Variants in PACRG observed in about 807,000 individuals in gnomAD.
The protein encoded by PACRG is parkin coregulated, also known as parkin coregulated gene protein.
In PACRG, 29 loss-of-function variants were observed where a neutral mutation model predicts 29.7. The observed-to-expected ratio is 0.98, with a 90% CI of 0.73 to 1.33. PACRG has a LOEUF of 1.33. PACRG is among the 40% of genes most tolerant of loss of function. The probability of loss-of-function intolerance (pLI) is 0.00; values close to 1 mark genes in which losing one functional copy is unlikely to be tolerated. For synonymous variants in PACRG, 116 were observed against 118.7 expected (o/e 0.98, Z 0.15); for missense variants, 279 against 316.2 (o/e 0.88, Z 0.89).
At chr6:162,849,849 T>G (rs1039317825) in intron 2 of PACRG, among the ~76,000 whole-genome samples, 1 of 152,226 alleles carries the variant, frequency 6.6e-6, no homozygotes, top group African/African-American at 2.4e-5. Flanking sequence ...CTAATCAATA[T>G]TCTCACATTT....
At chr6:162,855,596 CA>C (rs1452035440) in intron 2 of PACRG, among the ~76,000 whole-genome samples, 1 of 152,034 alleles carries the variant, frequency 6.6e-6, no homozygotes, top group African/African-American at 2.4e-5. Flanking sequence ...TGGTACGAGA[CA>C]ACAGAGAGAT....
In PACRG at chr6:162,853,725, A is replaced by G. The variant is rs13216389; in HGVS notation, c.291+39444A>G. On this transcript the variant is annotated intron_variant, in intron 2 of 4. Transcript: ENST00000366888. The surrounding 1 kb of genome is among the most constrained non-coding windows in gnomAD (Gnocchi z 4.7). ...CCCATGATGCGTGTTTGTCTATGTAACAAACCTTCACATGTACCCCTAAAC... is the reference window on the plus strand; with the variant it reads ...CCCATGATGCGTGTTTGTCTATGTAGCAAACCTTCACATGTACCCCTAAAC... 0.074 allele frequency among the ~76,000 whole-genome samples: 11,304 copies of G among 152,284 alleles called. 712 individuals are homozygous for G. The highest frequency in any genetic ancestry group is 0.23 in the South Asian group (1,127 of 4,826).
chr6:163,101,152 GC>G (rs1330202934), intron 4 of PACRG: 2 of 983,750 alleles, frequency 2.0e-6, no homozygotes, highest in East Asian at 1.1e-4. Flanking sequence ...CTCTGCCTCT[GC>G]CCCCGCCCCC....
Position 163,315,166 on chromosome 6 carries a change from A to C in PACRG, c.*179A>C. 3.1e-6 allele frequency: 2 copies of C among 642,590 alleles called. No individual in the cohort carries two copies. Among genetic ancestry groups the C allele is most frequent in the Non-Finnish European group, 2.6e-6 (1 of 385,048 alleles). 39.8% of individuals were successfully genotyped at this position (642,590 alleles called of 1,614,324 possible). ...GAGAGCAAGGCTTTCCAATACATAA[A>C]TAGTGTCTGTTTCTTAGATTACAAT... On this transcript the variant is annotated 3_prime_UTR_variant, in exon 5 of 5. Coordinates refer to ENST00000366888, the MANE Select transcript of PACRG (RefSeq NM_001080379.2).
At chr6:162,997,512 T>A in intron 2 of PACRG, 1 of 434,212 alleles carries the variant, frequency 2.3e-6, no homozygotes, top group Non-Finnish European at 4.6e-6. Flanking sequence ...AATAGCAGAA[T>A]AATGCTGGAA....
At chr6:162,916,429 T>G (rs1166933734) in intron 2 of PACRG, among the ~76,000 whole-genome samples, 1 of 152,198 alleles carries the variant, frequency 6.6e-6, no homozygotes, top group East Asian at 1.9e-4. Flanking sequence ...TCTACTAAAT[T>G]TGGAAAGTTT....
chr6:162,732,425 T>C (rs963781673), intron 1 of PACRG, among the ~76,000 whole-genome samples: 1 of 152,232 alleles, frequency 6.6e-6, no homozygotes, highest in African/African-American at 2.4e-5. Flanking sequence ...CCTAGTCTTA[T>C]GGCCACAGCT....
At chr6:163,003,106 G>C (rs1221197983) in intron 2 of PACRG, among the ~76,000 whole-genome samples, 1 of 152,164 alleles carries the variant, frequency 6.6e-6, no homozygotes, top group East Asian at 1.9e-4. Flanking sequence ...ACCAGCTGCT[G>C]CTAACTCCAA....
At chr6:163,210,150 C>T (rs771441100) in intron 4 of PACRG, among the ~76,000 whole-genome samples, 1 of 152,196 alleles carries the variant, frequency 6.6e-6, no homozygotes, top group Non-Finnish European at 1.5e-5. Flanking sequence ...ACAGAGCAGT[C>T]AGGTGAGTAC....
intron 2 of PACRG, among the ~76,000 whole-genome samples, chr6:162,826,467 T>TC (rs1426052295): frequency 8.3e-6 from 1 of 120,070 alleles, no homozygotes; most frequent in Non-Finnish European, 1.7e-5. Flanking sequence ...TTCTTTTTTC[T>TC]TTTTTTTTTT....
chr6:163,216,683 A>G (rs980240984), intron 4 of PACRG, among the ~76,000 whole-genome samples: 4 of 152,140 alleles, frequency 2.6e-5, no homozygotes, highest in Admixed American at 1.3e-4. Flanking sequence ...GTGCATACAT[A>G]TGCACATGTA....
intron 2 of PACRG, among the ~76,000 whole-genome samples, chr6:162,893,275 C>T (rs1194314962): frequency 1.3e-5 from 2 of 152,120 alleles, no homozygotes; most frequent in Non-Finnish European, 2.9e-5. Flanking sequence ...CTTAACTTAC[C>T]GAGAAATTTT....
chr6:162,900,895 T>G (rs918697125), intron 2 of PACRG, among the ~76,000 whole-genome samples: 6 of 152,336 alleles, frequency 3.9e-5, no homozygotes, highest in Admixed American at 6.5e-5. Flanking sequence ...AGACTTATCA[T>G]GAGCTGAAAG....
intron 3 of PACRG, among the ~76,000 whole-genome samples, chr6:163,083,961 C>A (rs1813309421): frequency 6.6e-6 from 1 of 151,858 alleles, no homozygotes; most frequent in Non-Finnish European, 1.5e-5. Flanking sequence ...ATACATGTAG[C>A]ATATAACCAT....
At chr6:162,769,621 G>A (rs1488552051) in intron 1 of PACRG, among the ~76,000 whole-genome samples, 1 of 151,942 alleles carries the variant, frequency 6.6e-6, no homozygotes, top group African/African-American at 2.4e-5. Flanking sequence ...GAATGTCTCT[G>A]TATAAACAAA....
rs540960208 is a variant in PACRG, at chr6:163,127,121, G to T, written c.613+37713G>T. The stretch of plus-strand genomic sequence containing the variant: ...GACTATGTAAATGAATGCCAACAGG[G>T]TCAATGAAGTGGCAAGTGCCATTTC... On this transcript the variant is annotated intron_variant, in intron 4 of 4. Coordinates refer to ENST00000366888, the MANE Select transcript of PACRG (RefSeq NM_001080379.2). 7.9e-5 allele frequency among the ~76,000 whole-genome samples: 12 copies of T among 152,282 alleles called. No homozygotes were observed. The South Asian group carries it at 1.9e-3, about 24-fold the overall frequency.
intron 3 of PACRG, among the ~76,000 whole-genome samples, chr6:163,063,674 C>T (rs148934893): frequency 3.9e-5 from 6 of 152,240 alleles, no homozygotes; most frequent in African/African-American, 1.2e-4. Flanking sequence ...TTGAGGTCTC[C>T]GTAGAGATCT....
At chr6:162,968,528 A>G (rs983588153) in intron 2 of PACRG, among the ~76,000 whole-genome samples, 1 of 152,206 alleles carries the variant, frequency 6.6e-6, no homozygotes, top group African/African-American at 2.4e-5. Context: ...CTGTCAAACC[A>G]AACTTAAAGC....
chr6:163,086,291 C>T (rs140867272), intron 3 of PACRG, among the ~76,000 whole-genome samples: 39 of 152,314 alleles, frequency 2.6e-4, no homozygotes, highest in Non-Finnish European at 4.3e-4. Context: ...CAACACGCTG[C>T]GTGCCTTCTT....
Sources: gnomAD v4.1 joint callset for allele counts (sites outside exome capture counted in the v4.1 genomes callset) on GRCh38, gnomAD v4.1.1 for gene constraint, Gnocchi (gnomAD v3.1) non-coding constraint, MANE v1.5 for transcripts, NCBI Gene and HGNC (gene_info 2026-07-23, HGNC 2026-07-21) for gene names.